Variants in DPYSL5 observed in about 807,000 individuals in gnomAD.
DPYSL5 encodes dihydropyrimidinase-related protein 5.
In DPYSL5, 9 loss-of-function variants were observed where a neutral mutation model predicts 58.4. That is an observed-to-expected ratio of 0.15 (90% CI 0.09 to 0.27). The LOEUF (loss-of-function observed/expected upper bound fraction) is 0.27, where lower values mean the gene tolerates loss of function less well. Among genes scored for constraint, DPYSL5 ranks in the 10% least tolerant of loss-of-function variants. The probability of loss-of-function intolerance (pLI) is 1.00; values close to 1 mark genes in which losing one functional copy is unlikely to be tolerated. For missense variants in DPYSL5, 499 were observed against 770.6 expected, an observed-to-expected ratio of 0.65 and a Z score of 4.17; for synonymous variants, 293 against 301.9, an observed-to-expected ratio of 0.97 and a Z score of 0.31.
rs1219600357 is a variant in DPYSL5 at position 26,898,265 on chromosome 2, G to C, written c.-4-231G>C. Reference sequence around the variant, plus strand: ...ATAGCATTTTGGGAAAGTAAAACATGATGTTTCTGTAGGCCCCAGCTTCTC... The same window carrying C: ...ATAGCATTTTGGGAAAGTAAAACATCATGTTTCTGTAGGCCCCAGCTTCTC... On this transcript the variant is annotated intron_variant, in intron 1 of 12. Coordinates refer to ENST00000288699, the MANE Select transcript of DPYSL5 (RefSeq NM_020134.4). The surrounding 1 kb of genome is among the most constrained non-coding windows in gnomAD (Gnocchi z 6.1). 3.3e-5 allele frequency among the ~76,000 whole-genome samples: 5 copies of C among 152,166 alleles called. No individual in the cohort carries two copies.
chr2:26,890,800 T>A (rs1663859840), intron 1 of DPYSL5, among the ~76,000 whole-genome samples: 1 of 152,166 alleles, frequency 6.6e-6, no homozygotes, highest in African/African-American at 2.4e-5. Flanking sequence ...AGCTCTCTCC[T>A]CCCGGCTGGT....
chr2:26,909,486 C>T (rs113518232), intron 2 of DPYSL5, among the ~76,000 whole-genome samples: 628 of 152,216 alleles, frequency 4.1e-3, no homozygotes, highest in Non-Finnish European at 6.2e-3. Flanking sequence ...AGGCGGGGCT[C>T]AGTGGCTCGG....
intron 1 of DPYSL5, among the ~76,000 whole-genome samples, chr2:26,870,041 TC>T (rs1436478914): frequency 6.6e-6 from 1 of 152,130 alleles, no homozygotes; most frequent in Admixed American, 6.5e-5. Flanking sequence ...TAATGTATCT[TC>T]TTTTTCCATG....
At position 26,920,492 on chromosome 2, in the gene DPYSL5, G is replaced by A. The variant is rs1020719464; in HGVS notation, c.262-4395G>A. Among the ~76,000 whole-genome samples the A allele has an allele frequency of 6.8e-4, 103 of 152,182 alleles. 1 individual carries two copies. The highest frequency in any genetic ancestry group is 2.4e-3 in the African/African-American group (100 of 41,420). On this transcript the variant is annotated intron_variant, in intron 2 of 12. Transcript: ENST00000288699. ...CAAAAATAACCATTGTTGGCCAGGC[G>A]TGGTGGCTCACGTCGATAACCGCAG...
chr2:26,913,063 TA>T (rs1366677292), intron 2 of DPYSL5, among the ~76,000 whole-genome samples: 1 of 152,224 alleles, frequency 6.6e-6, no homozygotes, highest in African/African-American at 2.4e-5. Context: ...AGAGTTATTT[TA>T]AAAAGTATTT....
rs984526664 is a variant in DPYSL5, at chr2:26,850,021, C to T, written c.-5+1767C>T. Among the ~76,000 whole-genome samples the T allele has an allele frequency of 5.9e-5, 9 of 152,310 alleles. 2 individuals are homozygous for T. The highest frequency in any genetic ancestry group is 6.5e-5 in the Admixed American group (1 of 15,308). ...GGTCGCCTCGGTGCAGCGCGGGTTC[C>T]CCCGAGCAGCGGCTTTGTCTGCCGA... On this transcript the variant is annotated intron_variant, in intron 1 of 12. Transcript: ENST00000288699.
chr2:26,943,115 C>T lies in DPYSL5; in HGVS notation c.1440+365C>T, dbSNP rs1665368940. On this transcript the variant is annotated intron_variant, in intron 11 of 12. Coordinates refer to ENST00000288699, the MANE Select transcript of DPYSL5 (RefSeq NM_020134.4). The stretch of plus-strand genomic sequence containing the variant: ...GGAGATGCTGCTTTGGCTCGGCTCC[C>T]TCCCACTCTTGATGAAGCAAGCGGG... 2.0e-5 allele frequency among the ~76,000 whole-genome samples: 3 copies of T among 152,100 alleles called. No individual in the cohort carries two copies. The South Asian group carries it at 6.2e-4, about 31-fold the overall frequency.
intron 2 of DPYSL5, among the ~76,000 whole-genome samples, chr2:26,909,337 G>T (rs1157070907): frequency 6.6e-6 from 1 of 151,894 alleles, no homozygotes; most frequent in Non-Finnish European, 1.5e-5. Flanking sequence ...ATTCACACTC[G>T]CTCTCACACA....
chr2:26,939,748 G>C, intron 8 of DPYSL5: 1 of 348,080 alleles, frequency 2.9e-6, no homozygotes, highest in Non-Finnish European at 5.3e-6. Flanking sequence ...TCTAAGTTCG[G>C]CTTTTCTCTG....
chr2:26,898,451 C>G lies in DPYSL5; in HGVS notation c.-4-45C>G. The G allele has an allele frequency of 6.3e-7, 1 of 1,591,822 alleles. No individual in the cohort carries two copies. Among genetic ancestry groups the G allele is most frequent in the Non-Finnish European group, 8.6e-7 (1 of 1,165,982 alleles). On this transcript the variant is annotated intron_variant, in intron 1 of 12. Coordinates refer to ENST00000288699, the MANE Select transcript of DPYSL5 (RefSeq NM_020134.4). This position sits in a 1 kb window ranked among gnomAD's most constrained non-coding sequence, Gnocchi z 6.1. The stretch of plus-strand genomic sequence containing the variant: ...GATAGGAGGGATGGGAAACTGGAAA[C>G]AGTGAGAAGGGACTTTGACCTTGAC...
intron 2 of DPYSL5, among the ~76,000 whole-genome samples, chr2:26,909,638 G>A (rs1188544739): frequency 1.3e-5 from 2 of 151,990 alleles, no homozygotes; most frequent in Admixed American, 6.6e-5. Flanking sequence ...ATGATGGTGT[G>A]TACCTATAGA....
In DPYSL5 at chr2:26,944,850, A is replaced by T; in HGVS notation, c.1609+26A>T. 6.2e-7 allele frequency: 1 copy of T among 1,609,868 alleles called. No individual in the cohort carries two copies. Among genetic ancestry groups the T allele is most frequent in the Non-Finnish European group, 8.5e-7 (1 of 1,177,818 alleles). Reference sequence around the variant, plus strand: ...GTAAGAGTCAGGGGGCCACGGGAGGAGGATGGGGGTCTGGGAGAAGTGGCC... The same window carrying T: ...GTAAGAGTCAGGGGGCCACGGGAGGTGGATGGGGGTCTGGGAGAAGTGGCC... On this transcript the variant is annotated intron_variant, in intron 12 of 12. Transcript: ENST00000288699. The surrounding 1 kb of genome is among the most constrained non-coding windows in gnomAD (Gnocchi z 4.4).
At position 26,910,193 on chromosome 2, in the gene DPYSL5, T is replaced by A. The variant is rs182894273; in HGVS notation, c.261+11433T>A. ...GTTAAAGATAAAGCTACTGTGAACA[T>A]TCATATACATATATTTGTGTGGACA... On this transcript the variant is annotated intron_variant, in intron 2 of 12. Transcript: ENST00000288699. Among the ~76,000 whole-genome samples the A allele has an allele frequency of 2.0e-5, 3 of 152,364 alleles. No homozygotes were observed. In the East Asian group the frequency reaches 5.8e-4, roughly 29 times the overall value.
Position 26,947,277 on chromosome 2 carries a change from A to C in DPYSL5, c.*282A>C. ...AAGCCCACACTATGCACAGAGCCCA[A>C]TGCATAGAGCCCTGGCCAGCCCTTC... is the stretch of plus-strand genomic sequence containing the variant. On this transcript the variant is annotated 3_prime_UTR_variant, in exon 13 of 13. Coordinates refer to ENST00000288699, the MANE Select transcript of DPYSL5 (RefSeq NM_020134.4). This position sits in a 1 kb window ranked among gnomAD's most constrained non-coding sequence, Gnocchi z 4.2. 2.7e-6 allele frequency: 1 copy of C among 371,416 alleles called. No individual in the cohort carries two copies. 23.0% of individuals were successfully genotyped at this position (371,416 alleles called of 1,614,324 possible).
intron 2 of DPYSL5, among the ~76,000 whole-genome samples, chr2:26,913,493 T>G (rs1664491006): frequency 6.6e-6 from 1 of 152,198 alleles, no homozygotes; most frequent in Admixed American, 6.5e-5. Flanking sequence ...ATAACCACAT[T>G]TTGCTTCTCC....
At chr2:26,850,506 C>T (rs1665724289) in intron 1 of DPYSL5, among the ~76,000 whole-genome samples, 2 of 152,044 alleles carry the variant, frequency 1.3e-5, no homozygotes, top group African/African-American at 2.4e-5. Flanking sequence ...AAAGGTGAAT[C>T]TTTAGCATAA....
intron 6 of DPYSL5, among the ~76,000 whole-genome samples, chr2:26,932,113 A>G (rs557392312): frequency 6.9e-6 from 1 of 145,978 alleles, no homozygotes; most frequent in East Asian, 2.0e-4. Context: ...GAAAGAAAAG[A>G]AAAAAGAAAG....
chr2:26,932,208 A>AAAGAAAGAAAAGAAAGAAAG (rs1178078504), intron 6 of DPYSL5, among the ~76,000 whole-genome samples: 22 of 70,222 alleles, frequency 3.1e-4, no homozygotes, highest in African/African-American at 1.2e-3. Context: ...AGAAAGAAAG[A>AAAGAAAGAAAAGAAAGAAAG]AAAGAAAGAA....
chr2:26,889,394 C>T (rs1024427393), intron 1 of DPYSL5, among the ~76,000 whole-genome samples: 3 of 152,030 alleles, frequency 2.0e-5, no homozygotes, highest in East Asian at 1.9e-4. Context: ...CTCAGCCTCC[C>T]GAGTAGCTGG....
Sources: gnomAD v4.1 joint callset for allele counts (sites outside exome capture counted in the v4.1 genomes callset) on GRCh38, gnomAD v4.1.1 for gene constraint, Gnocchi (gnomAD v3.1) non-coding constraint, MANE v1.5 for transcripts, NCBI Gene and HGNC (gene_info 2026-07-23, HGNC 2026-07-21) for gene names.